Variants in TRABD2B observed in about 807,000 individuals in gnomAD.
TRABD2B encodes metalloprotease TIKI2.
In TRABD2B, 14 loss-of-function variants were observed where a neutral mutation model predicts 40.1. That is an observed-to-expected ratio of 0.35 (90% CI 0.23 to 0.55). The LOEUF (loss-of-function observed/expected upper bound fraction) is 0.55. Among genes scored for constraint, TRABD2B ranks in the 20% least tolerant of loss-of-function variants. The probability of loss-of-function intolerance (pLI) is 0.90; values close to 1 mark genes in which losing one functional copy is unlikely to be tolerated. For synonymous variants in TRABD2B, 263 were observed against 277.0 expected, an observed-to-expected ratio of 0.95 and a Z score of 0.50; for missense variants, 541 against 648.6, an observed-to-expected ratio of 0.83 and a Z score of 1.80.
chr1:47,806,441 A>G (rs1644893144), intron 2 of TRABD2B, among the ~76,000 whole-genome samples: 1 of 152,176 alleles, frequency 6.6e-6, no homozygotes, highest in Admixed American at 6.5e-5. Flanking sequence ...TGGCCACCTT[A>G]GAATAACAAA....
At chr1:47,803,188 G>A (rs1386660627) in intron 2 of TRABD2B, among the ~76,000 whole-genome samples, 2 of 152,198 alleles carry the variant, frequency 1.3e-5, no homozygotes, top group East Asian at 1.9e-4. Flanking sequence ...CCTCACTGGG[G>A]GTCCCACAGC....
chr1:47,987,300 T>C (rs1031112876), intron 2 of TRABD2B, among the ~76,000 whole-genome samples: 2 of 152,280 alleles, frequency 1.3e-5, no homozygotes, highest in African/African-American at 4.8e-5. Context: ...GTCCATGAGC[T>C]GACAATTCTT....
intron 2 of TRABD2B, among the ~76,000 whole-genome samples, chr1:47,834,541 T>C (rs992153583): frequency 7.3e-5 from 11 of 151,312 alleles, no homozygotes; most frequent in African/African-American, 2.4e-4. Context: ...ACTGCATGGA[T>C]GGGTGTTAAG....
chr1:47,962,713 TG>T (rs1310680371), intron 2 of TRABD2B, among the ~76,000 whole-genome samples: 1 of 152,338 alleles, frequency 6.6e-6, no homozygotes, highest in East Asian at 1.9e-4. Context: ...TGGTACAAAG[TG>T]GTGAAGTTAG....
intron 2 of TRABD2B, among the ~76,000 whole-genome samples, chr1:47,966,738 C>T (rs1645608933): frequency 6.6e-6 from 1 of 151,880 alleles, no homozygotes; most frequent in South Asian, 2.1e-4. Context: ...AACCCCATCT[C>T]TACTGAAAAT....
intron 2 of TRABD2B, among the ~76,000 whole-genome samples, chr1:47,861,002 G>A (rs781493636): frequency 1.3e-5 from 2 of 152,148 alleles, no homozygotes; most frequent in East Asian, 3.8e-4. Flanking sequence ...GACTAAGACA[G>A]GGTCTCATAG....
intron 2 of TRABD2B, among the ~76,000 whole-genome samples, chr1:47,944,973 G>A (rs141799868): frequency 6.6e-6 from 1 of 152,204 alleles, no homozygotes; most frequent in South Asian, 2.1e-4. Context: ...GCACTGATGC[G>A]GGGACAAGTC....
intron 2 of TRABD2B, among the ~76,000 whole-genome samples, chr1:47,806,003 T>C (rs922373900): frequency 2.6e-5 from 4 of 152,122 alleles, no homozygotes; most frequent in South Asian, 4.2e-4. Flanking sequence ...TAGTCAAAGA[T>C]GGGAAACCAA....
chr1:47,772,858 G>A (rs750860695), intron 6 of TRABD2B, among the ~76,000 whole-genome samples: 6 of 152,170 alleles, frequency 3.9e-5, no homozygotes, highest in Non-Finnish European at 7.3e-5. Context: ...CAGGCTGCCA[G>A]GCGGTGGTGG....
intron 2 of TRABD2B, among the ~76,000 whole-genome samples, chr1:47,853,284 T>G (rs1643852867): frequency 1.3e-5 from 2 of 152,186 alleles, no homozygotes; most frequent in South Asian, 4.1e-4. Flanking sequence ...ACCCCGGCAT[T>G]GTCTAGCAGT....
At chr1:47,989,713 C>A (rs1173069448) in intron 2 of TRABD2B, among the ~76,000 whole-genome samples, 1 of 151,986 alleles carries the variant, frequency 6.6e-6, no homozygotes, top group Non-Finnish European at 1.5e-5. Context: ...CTCTCTCTCT[C>A]TTTTTCGGCA....
intron 2 of TRABD2B, among the ~76,000 whole-genome samples, chr1:47,978,629 C>T (rs1645795355): frequency 1.3e-5 from 2 of 152,128 alleles, no homozygotes; most frequent in African/African-American, 4.8e-5. Context: ...GTGTGTGTTC[C>T]TACGAAATGC....
At chr1:47,818,445 C>G (rs1476358849) in intron 2 of TRABD2B, 1 of 152,250 alleles carries the variant, frequency 6.6e-6, no homozygotes, top group East Asian at 1.9e-4. Context: ...TTGTCCAATG[C>G]TCTTGGGGCA....
intron 3 of TRABD2B, among the ~76,000 whole-genome samples, chr1:47,796,298 C>T (rs944583999): frequency 1.3e-5 from 2 of 152,200 alleles, no homozygotes; most frequent in South Asian, 4.1e-4. Context: ...CACCTGGTGT[C>T]CCCTCTTCCA....
chr1:47,824,850 C>T (rs1320199304), intron 2 of TRABD2B, among the ~76,000 whole-genome samples: 1 of 152,116 alleles, frequency 6.6e-6, no homozygotes, highest in East Asian at 1.9e-4. Context: ...TGTAAAGGGC[C>T]CAGGGAGCTC....
At chr1:47,963,717 T>C (rs978872178) in intron 2 of TRABD2B, among the ~76,000 whole-genome samples, 2 of 152,214 alleles carry the variant, frequency 1.3e-5, no homozygotes, top group African/African-American at 2.4e-5. Context: ...TGTGGTACAT[T>C]ATGTACCCAT....
At chr1:47,891,281 C>G (rs981908422) in intron 2 of TRABD2B, among the ~76,000 whole-genome samples, 2 of 152,106 alleles carry the variant, frequency 1.3e-5, no homozygotes, top group Non-Finnish European at 2.9e-5. Context: ...AGCAGGGGAA[C>G]AGATGAGAAA....
chr1:47,927,936 G>A (rs534942571), intron 2 of TRABD2B, among the ~76,000 whole-genome samples: 4 of 152,198 alleles, frequency 2.6e-5, no homozygotes, highest in Non-Finnish European at 4.4e-5. Flanking sequence ...TAAGCCCTTC[G>A]TATTCAAAGT....
At chr1:47,913,668 G>A (rs977507312) in intron 2 of TRABD2B, among the ~76,000 whole-genome samples, 1 of 152,172 alleles carries the variant, frequency 6.6e-6, no homozygotes. Context: ...GGGCAGCATG[G>A]AGTTCCTGCT....
Sources: allele counts gnomAD v4.1 joint callset (sites outside exome capture counted in the v4.1 genomes callset), GRCh38; gene constraint gnomAD v4.1.1; transcripts MANE v1.5; gene names NCBI Gene and HGNC (gene_info 2026-07-23, HGNC 2026-07-21).